TMEM65: variants seen among roughly 807,000 people sequenced by gnomAD.
TMEM65 encodes transmembrane protein 65.
In TMEM65, 22 loss-of-function variants were observed where a neutral mutation model predicts 25.4. The observed-to-expected ratio is 0.86, with a 90% confidence interval of 0.62 to 1.23. TMEM65 has a LOEUF of 1.23. Ranked by LOEUF, TMEM65 falls within the 50% of genes most tolerant of loss-of-function variation. The probability of loss-of-function intolerance (pLI) is 0.00; values close to 1 mark genes in which losing one functional copy is unlikely to be tolerated. For synonymous variants in TMEM65, 132 were observed against 126.2 expected (o/e 1.05, Z -0.31); for missense variants, 262 against 308.2 (o/e 0.85, Z 1.12).
Position 124,307,244 on chromosome 8 carries a change from C to G in TMEM65, c.*6716G>C, listed in dbSNP as rs1233594532. On this transcript the variant is annotated 3_prime_UTR_variant, in exon 7 of 7. Transcript: ENST00000297632. ...GTAAAAAGTGATCTCTCATGGTTCT[C>G]AGTTATTTTTCATCATGTTTAGTAC... 2 of 152,108 alleles carry G rather than the reference C, an allele frequency of 1.3e-5. No individual in the cohort carries two copies. Among genetic ancestry groups the G allele is most frequent in the Non-Finnish European group, 2.9e-5 (2 of 68,020 alleles). 9.4% of individuals were successfully genotyped at this position (152,108 alleles called of 1,614,324 possible).
chr8:124,370,289 T>C (rs1814995389), intron 1 of TMEM65, among the ~76,000 whole-genome samples: 2 of 152,148 alleles, frequency 1.3e-5, no homozygotes, highest in African/African-American at 4.8e-5. Flanking sequence ...TCTTGTAACT[T>C]GTTGACAATG....
At position 124,320,118 on chromosome 8, in the gene TMEM65, C is replaced by A; in HGVS notation, c.589G>T (p.Asp197Tyr). 1 of 1,613,240 alleles carries A rather than the reference C, an allele frequency of 6.2e-7. No homozygotes were observed. The highest frequency in any genetic ancestry group is 1.1e-5 in the South Asian group (1 of 91,044). Residue 197 changes from aspartate to tyrosine, a missense_variant, in exon 6 of 7, where the codon GAC becomes TAC. Asp to Tyr is a radical substitution (Grantham distance 160). Transcript: ENST00000297632. ...GTACTAAGACGTGTTTGCCACATGTCAACTTGCTTTGGTGTGAGATCAGGA... is the reference window on the plus strand; with the variant it reads ...GTACTAAGACGTGTTTGCCACATGTAAACTTGCTTTGGTGTGAGATCAGGA... ...SIPDLTPKQV[D>Y]MWQTRLSTHL...
chr8:124,345,418 A>G (rs1041127084), intron 1 of TMEM65, among the ~76,000 whole-genome samples: 2 of 152,260 alleles, frequency 1.3e-5, no homozygotes, highest in Non-Finnish European at 2.9e-5. Flanking sequence ...TCTAAAGATT[A>G]TCTTTTAACA....
In TMEM65 at chr8:124,357,074, C is replaced by G. The variant is rs62530023; in HGVS notation, c.304+14780G>C. On this transcript the variant is annotated intron_variant, in intron 1 of 6. Transcript: ENST00000297632. ...CTAGGATATCTTTTTTTTTTTTTTC[C>G]TGTCTCTCTGGACATTACTCCTCTC... Among the ~76,000 whole-genome samples, 6 of 137,020 alleles carry G rather than the reference C, an allele frequency of 4.4e-5. No homozygotes were observed. The Admixed American group carries it at 4.5e-4, about 10-fold the overall frequency. The allele number at this position is 137,020 out of a possible 152,430, so 89.9% of individuals were successfully genotyped here.
chr8:124,340,657 T>C (rs1814573669), intron 1 of TMEM65, among the ~76,000 whole-genome samples: 1 of 150,824 alleles, frequency 6.6e-6, no homozygotes, highest in East Asian at 2.0e-4. Flanking sequence ...AGCTGTTTGA[T>C]GTCCCATCTT....
intron 1 of TMEM65, among the ~76,000 whole-genome samples, chr8:124,337,477 T>C (rs1227131325): frequency 6.6e-6 from 1 of 152,052 alleles, no homozygotes; most frequent in East Asian, 1.9e-4. Context: ...ACATGTCCTC[T>C]TTCTTAGACA....
intron 2 of TMEM65, among the ~76,000 whole-genome samples, chr8:124,329,006 A>G (rs1213532646): frequency 2.6e-5 from 4 of 152,038 alleles, no homozygotes; most frequent in Admixed American, 1.3e-4. Context: ...ATTATATTCA[A>G]TATTATTATA....
chr8:124,322,433 A>G, intron 4 of TMEM65, among the ~76,000 whole-genome samples: 1 of 152,290 alleles, frequency 6.6e-6, no homozygotes, highest in South Asian at 2.1e-4. Flanking sequence ...TATCTTTCAT[A>G]TAATATTTAA....
At chr8:124,327,253 T>C (rs1486595118) in intron 3 of TMEM65, 101 bp downstream of exon 3, 1 of 744,798 alleles carries the variant, frequency 1.3e-6, no homozygotes, top group East Asian at 2.9e-5. Context: ...TTGTTCATTA[T>C]GATATTAAAA....
rs1206923058 is a variant in TMEM65 at position 124,307,407 on chromosome 8, T to C, written c.*6553A>G. 3 of 152,134 alleles carry C rather than the reference T, an allele frequency of 2.0e-5. No homozygotes were observed. Among genetic ancestry groups the C allele is most frequent in the Admixed American group, 6.5e-5 (1 of 15,284 alleles). 9.4% of individuals were successfully genotyped at this position (152,134 alleles called of 1,614,324 possible). A position where few individuals can be genotyped will look rare whatever the true frequency, so the allele number is the denominator to read the frequency against. On this transcript the variant is annotated 3_prime_UTR_variant, in exon 7 of 7. Transcript: ENST00000297632. ...GATGTGTACTGGTCTGCAGCTGTAG[T>C]TGCCCATCCTTCAAGATAAATGAAT...
chr8:124,368,218 C>T (rs1323966116), intron 1 of TMEM65, among the ~76,000 whole-genome samples: 2 of 143,718 alleles, frequency 1.4e-5, no homozygotes, highest in African/African-American at 2.6e-5. Context: ...ACTGTCACTT[C>T]GAAGACTGCG....
chr8:124,322,214 A>T, intron 4 of TMEM65, 67 bp from the exon 5 acceptor site: 1 of 1,219,248 alleles, frequency 8.2e-7, no homozygotes, highest in East Asian at 2.6e-5. Flanking sequence ...TGTAATCAAT[A>T]AAGCACTGAT....
chr8:124,314,730 T>G (rs1046869175), intron 6 of TMEM65, among the ~76,000 whole-genome samples: 1 of 152,192 alleles, frequency 6.6e-6, no homozygotes, highest in Non-Finnish European at 1.5e-5. Context: ...CAAGCCATCT[T>G]CCTGATCTCT....
At chr8:124,332,989 G>A (rs986571519) in intron 1 of TMEM65, among the ~76,000 whole-genome samples, 1 of 151,856 alleles carries the variant, frequency 6.6e-6, no homozygotes, top group Non-Finnish European at 1.5e-5. Flanking sequence ...ATTTTTAGTA[G>A]AGATGAGGTT....
intron 1 of TMEM65, among the ~76,000 whole-genome samples, chr8:124,363,836 CAAAAAAAAAAA>C (rs869161640): frequency 1.4e-4 from 8 of 55,714 alleles, no homozygotes; most frequent in Admixed American, 3.3e-4. Flanking sequence ...GACTCCGTCT[CAAAAAAAAAAA>C]AAAAAAAAAA....
chr8:124,363,860 A>AAC (rs1814905313), intron 1 of TMEM65, among the ~76,000 whole-genome samples: 3 of 148,014 alleles, frequency 2.0e-5, no homozygotes, highest in Non-Finnish European at 3.0e-5. Flanking sequence ...AAAAAAAAAA[A>AAC]AAAAAAACAA....
At position 124,306,800 on chromosome 8, in the gene TMEM65, T is replaced by G. The variant is rs769652055; in HGVS notation, c.*7160A>C. 3.3e-5 allele frequency: 5 copies of G among 151,978 alleles called. No individual in the cohort carries two copies. The highest frequency in any genetic ancestry group is 7.3e-5 in the Non-Finnish European group (5 of 68,042). The allele number at this position is 151,978 out of a possible 1,614,324, so 9.4% of individuals were successfully genotyped here. On this transcript the variant is annotated 3_prime_UTR_variant, in exon 7 of 7. Coordinates refer to ENST00000297632, the MANE Select transcript of TMEM65 (RefSeq NM_194291.3). ...CCTGTTTCTCCTAAAAATACAAAAA[T>G]TAGCTGGGCATGGGGATGCATGCCT...
At chr8:124,369,911 C>T (rs1473247540) in intron 1 of TMEM65, among the ~76,000 whole-genome samples, 2 of 152,058 alleles carry the variant, frequency 1.3e-5, no homozygotes, top group Non-Finnish European at 2.9e-5. Flanking sequence ...CTGATTTAAA[C>T]TTTGATGTTC....
chr8:124,334,801 A>T (rs1164639671), intron 1 of TMEM65, among the ~76,000 whole-genome samples: 1 of 149,796 alleles, frequency 6.7e-6, no homozygotes, highest in Non-Finnish European at 1.5e-5. Context: ...ATTAAAAATT[A>T]AAAAAAAATT....
Sources: allele counts gnomAD v4.1 joint callset (sites outside exome capture counted in the v4.1 genomes callset), GRCh38; gene constraint gnomAD v4.1.1; transcripts MANE v1.5; gene names NCBI Gene and HGNC (gene_info 2026-07-23, HGNC 2026-07-21).